Variants in PDE11A observed in about 807,000 individuals in gnomAD.
PDE11A encodes the protein dual 3',5'-cyclic-AMP and -GMP phosphodiesterase 11A.
A neutral mutation model predicts 100.5 loss-of-function variants in PDE11A; 100 were observed. The ratio of observed to expected loss-of-function variants is 1.00; its 90% confidence interval spans 0.85 to 1.18. The LOEUF (loss-of-function observed/expected upper bound fraction) is 1.18, where lower values mean the gene tolerates loss of function less well. Ranked by LOEUF, PDE11A falls within the 50% of genes most tolerant of loss-of-function variation. PDE11A has a pLI of 0.00. For missense variants in PDE11A, 1,141 were observed against 1,152.6 expected, an observed-to-expected ratio of 0.99 and a Z score of 0.15; for synonymous variants, 381 against 420.8, an observed-to-expected ratio of 0.91 and a Z score of 1.16.
intron 1 of PDE11A, among the ~76,000 whole-genome samples, chr2:178,066,533 G>A (rs949285701): frequency 3.9e-5 from 6 of 152,002 alleles, no homozygotes; most frequent in Non-Finnish European, 8.8e-5. Context: ...CCTGATCCCC[G>A]CTCCATGGTG....
intron 9 of PDE11A, among the ~76,000 whole-genome samples, chr2:177,779,323 T>C (rs1007383544): frequency 6.6e-6 from 1 of 152,168 alleles, no homozygotes; most frequent in South Asian, 2.1e-4. Flanking sequence ...GTGCGGTGGT[T>C]GCTGAAGCTA....
intron 12 of PDE11A, among the ~76,000 whole-genome samples, chr2:177,715,623 T>A (rs2081427214): frequency 6.6e-6 from 1 of 152,146 alleles, no homozygotes; most frequent in Non-Finnish European, 1.5e-5. Context: ...TTTCCAGGCA[T>A]AATAATATGT....
intron 17 of PDE11A, among the ~76,000 whole-genome samples, chr2:177,675,202 A>C (rs2080750015): frequency 6.6e-6 from 1 of 151,150 alleles, no homozygotes. Flanking sequence ...TATTATTCAG[A>C]TTTCGCACAT....
At chr2:177,747,468 G>A (rs564595992) in intron 10 of PDE11A, among the ~76,000 whole-genome samples, 33 of 152,346 alleles carry the variant, frequency 2.2e-4, no homozygotes, top group Admixed American at 2.0e-3. Context: ...GGGTGGCACA[G>A]GGAGTTTGCT....
At chr2:177,767,410 A>C (rs1339284656) in intron 10 of PDE11A, among the ~76,000 whole-genome samples, 3 of 151,930 alleles carry the variant, frequency 2.0e-5, no homozygotes, top group Admixed American at 2.0e-4. Flanking sequence ...TAGTCATATG[A>C]GTCAAAGCTC....
intron 2 of PDE11A, among the ~76,000 whole-genome samples, chr2:177,945,824 G>C (rs1292996740): frequency 1.9e-5 from 2 of 106,332 alleles, no homozygotes; most frequent in African/African-American, 5.5e-5. Context: ...CCGGGAGGGA[G>C]GTGGGGGGGT....
At chr2:177,844,618 G>A (rs939968802) in intron 5 of PDE11A, among the ~76,000 whole-genome samples, 3 of 151,620 alleles carry the variant, frequency 2.0e-5, no homozygotes, top group Non-Finnish European at 4.4e-5. Context: ...GGACAATAGT[G>A]GAGGGAAGGT....
In PDE11A at chr2:177,992,971, G is replaced by A. The variant is rs148429153; in HGVS notation, c.1071+21331C>T. 4.0e-4 allele frequency among the ~76,000 whole-genome samples: 61 copies of A among 151,932 alleles called. 1 individual carries two copies. The East Asian group carries it at 9.1e-3, about 23-fold the overall frequency. Reference sequence around the variant, plus strand: ...GGCTGAAATATATAGATGATTCTCCGCAAGCAGAAACATGGTACACTCCAC... The same window carrying A: ...GGCTGAAATATATAGATGATTCTCCACAAGCAGAAACATGGTACACTCCAC... On this transcript the variant is annotated intron_variant, in intron 2 of 19. Coordinates refer to ENST00000286063, the MANE Select transcript of PDE11A (RefSeq NM_016953.4).
At chr2:177,923,480 T>G (rs1306839838) in intron 2 of PDE11A, among the ~76,000 whole-genome samples, 1 of 152,156 alleles carries the variant, frequency 6.6e-6, no homozygotes, top group Non-Finnish European at 1.5e-5. Context: ...TGACCCATCC[T>G]CCTTTTATCT....
intron 2 of PDE11A, among the ~76,000 whole-genome samples, chr2:177,972,007 T>C (rs914570977): frequency 6.6e-6 from 1 of 152,144 alleles, no homozygotes; most frequent in African/African-American, 2.4e-5. Flanking sequence ...GAAATACATA[T>C]CACTTTCTTA....
chr2:177,690,415 C>T (rs2081025542), intron 15 of PDE11A, among the ~76,000 whole-genome samples: 1 of 152,190 alleles, frequency 6.6e-6, no homozygotes, highest in South Asian at 2.1e-4. Context: ...GGACACTGAA[C>T]ATAGCTGGCT....
chr2:177,984,243 A>G (rs1394924589), intron 2 of PDE11A, among the ~76,000 whole-genome samples: 1 of 152,236 alleles, frequency 6.6e-6, no homozygotes, highest in African/African-American at 2.4e-5. Context: ...AAAGTGATGC[A>G]TAGCAAACTG....
intron 10 of PDE11A, among the ~76,000 whole-genome samples, chr2:177,744,146 A>C (rs963149041): frequency 2.0e-5 from 3 of 152,202 alleles, no homozygotes; most frequent in Non-Finnish European, 4.4e-5. Flanking sequence ...CCTTGAAGCT[A>C]TAAAACAGAA....
chr2:177,719,741 C>T (rs1376217666), intron 12 of PDE11A, among the ~76,000 whole-genome samples: 1 of 152,072 alleles, frequency 6.6e-6, no homozygotes, highest in Non-Finnish European at 1.5e-5. Context: ...ATTTCTGGTA[C>T]GTAGAGTGTT....
chr2:178,092,038 T>C (rs2087429831), intron 2 of PDE11A, among the ~76,000 whole-genome samples: 1 of 152,168 alleles, frequency 6.6e-6, no homozygotes, highest in South Asian at 2.1e-4. Flanking sequence ...TAAGGTAAGA[T>C]CAACTATGTG....
At chr2:177,772,737 T>C (rs2082327624) in intron 9 of PDE11A, among the ~76,000 whole-genome samples, 1 of 151,864 alleles carries the variant, frequency 6.6e-6, no homozygotes, top group African/African-American at 2.4e-5. Context: ...AGCTATTTAC[T>C]CCACTAAATT....
In PDE11A at chr2:177,727,715, T is replaced by G. The variant is rs147061705; in HGVS notation, c.1986A>C (p.Leu662=). ...TGAAGGCATGTCTCCAGTTGTGGTA[T>G]AGAACCATCCGATAGTTTTTCCTCA... The part of the protein sequence containing the change: ...LTVRKNYRMV[L]YHNWRHAFNV... The change falls in exon 12 of 20, where the codon CTA becomes CTC. Residue 662 remains leucine (L), a synonymous_variant. Coordinates refer to ENST00000286063, the MANE Select transcript of PDE11A (RefSeq NM_016953.4). 22 of 1,612,404 alleles carry G rather than the reference T, an allele frequency of 1.4e-5. No homozygotes were observed. In the African/African-American group the frequency reaches 2.8e-4, roughly 21 times the overall value.
intron 9 of PDE11A, among the ~76,000 whole-genome samples, chr2:177,803,091 A>G (rs947281977): frequency 6.6e-6 from 1 of 151,902 alleles, no homozygotes; most frequent in Admixed American, 6.6e-5. Context: ...GATAACAAAT[A>G]ATTTTCACTT....
chr2:177,650,178 C>T (rs963805250), intron 19 of PDE11A, among the ~76,000 whole-genome samples: 1 of 152,144 alleles, frequency 6.6e-6, no homozygotes, highest in South Asian at 2.1e-4. Flanking sequence ...CTCTGAAAAG[C>T]GATCGATGTC....
Sources: gnomAD v4.1 joint callset for allele counts (sites outside exome capture counted in the v4.1 genomes callset) on GRCh38, gnomAD v4.1.1 for gene constraint, MANE v1.5 for transcripts, NCBI Gene and HGNC (gene_info 2026-07-23, HGNC 2026-07-21) for gene names.